PDCD11: variants seen among roughly 807,000 people sequenced by gnomAD.
PDCD11 encodes programmed cell death 11, also known as protein RRP5 homolog.
In PDCD11, 97 loss-of-function variants were observed where a neutral mutation model predicts 198.9. The observed-to-expected ratio is 0.49, with a 90% CI of 0.41 to 0.58. PDCD11 has a LOEUF of 0.58. Among genes scored for constraint, PDCD11 ranks in the 20% least tolerant of loss-of-function variants. The pLI is 0.00. For synonymous variants in PDCD11, 893 were observed against 918.0 expected (o/e 0.97, Z 0.49); for missense variants, 2,102 against 2,312.7 (o/e 0.91, Z 1.87).
Position 103,445,410 on chromosome 10 carries a change from T to C in PDCD11, c.5477T>C (p.Leu1826Ser). ...TTTGAGCGGGTCATTCATCTGAGCT[T>C]GGCCCCCAAGAGAATGAAGTTCTTC... The part of the protein sequence containing the change: ...DIFERVIHLS[L>S]APKRMKFFFK... Residue 1826 changes from leucine (L) to serine (S), a missense_variant, in exon 36 of 36, where the codon TTG (leucine) becomes TCG (serine). Coordinates refer to ENST00000369797, the MANE Select transcript of PDCD11 (RefSeq NM_014976.2). The C allele has an allele frequency of 1.2e-6, 2 of 1,614,230 alleles. No homozygotes were observed. Among genetic ancestry groups the C allele is most frequent in the Non-Finnish European group, 1.7e-6 (2 of 1,180,042 alleles).
chr10:103,416,655 C>T lies in PDCD11; in HGVS notation c.1683C>T (p.Phe561=), dbSNP rs761070311. The T allele has an allele frequency of 4.3e-6, 7 of 1,614,152 alleles. No individual in the cohort carries two copies. Among genetic ancestry groups the T allele is most frequent in the East Asian group, 2.2e-5 (1 of 44,888 alleles). ...RVKDYGCIVK[F]YNNVQGLVPK... ...AGGACTATGGCTGCATTGTGAAGTTCTACAACAATGTGCAGGGACTGGTGC... is the reference window on the plus strand; with the variant it reads ...AGGACTATGGCTGCATTGTGAAGTTTTACAACAATGTGCAGGGACTGGTGC... Residue 561 remains phenylalanine, a synonymous_variant, in exon 13 of 36, where the codon TTC becomes TTT. Transcript: ENST00000369797.
chr10:103,443,837 T>C, intron 33 of PDCD11, 78 bp from the exon 34 acceptor site: 1 of 1,442,256 alleles, frequency 6.9e-7, no homozygotes, highest in Non-Finnish European at 9.6e-7. Context: ...TCTAGCTTCT[T>C]GTGAGTGTTG....
At chr10:103,407,709 A>C (rs2030544070) in intron 7 of PDCD11, among the ~76,000 whole-genome samples, 2 of 151,840 alleles carry the variant, frequency 1.3e-5, no homozygotes, top group Admixed American at 6.6e-5. Context: ...CTCACCCAGC[A>C]TACTAGCATG....
At position 103,409,583 on chromosome 10, in the gene PDCD11, G is replaced by A. The variant is rs1198716776; in HGVS notation, c.871-116G>A. The A allele has an allele frequency of 8.7e-6, 6 of 686,858 alleles. No homozygotes were observed. In the East Asian group the frequency reaches 1.5e-4, roughly 18 times the overall value. The allele number at this position is 686,858 out of a possible 1,614,324, so 42.5% of individuals were successfully genotyped here. ...AAAGATTGTTAAGAGTTACCTGGGAGAGGAGAGATACACAGTTAGGGATAC... is the reference window on the plus strand; with the variant it reads ...AAAGATTGTTAAGAGTTACCTGGGAAAGGAGAGATACACAGTTAGGGATAC... On this transcript the variant is annotated intron_variant, in intron 7 of 35. Transcript: ENST00000369797.
Position 103,425,328 on chromosome 10 carries a change from G to A in PDCD11, c.3108G>A (p.Gly1036=), listed in dbSNP as rs1326083258. Residue 1036 remains glycine (G), a synonymous_variant, in exon 20 of 36, where the codon GGG becomes GGA. Transcript: ENST00000369797. ...GTIKKHTLSI[G]DMVTGTVKSI... ...TAAAGAAGCACACCCTCTCCATCGGGGACATGGTCACAGGGACTGTCAAGT... is the reference window on the plus strand; with the variant it reads ...TAAAGAAGCACACCCTCTCCATCGGAGACATGGTCACAGGGACTGTCAAGT... 6.2e-7 allele frequency: 1 copy of A among 1,614,098 alleles called. No homozygotes were observed. Among genetic ancestry groups the A allele is most frequent in the Non-Finnish European group, 8.5e-7 (1 of 1,180,030 alleles).
chr10:103,419,144 T>C (rs1592125913), intron 15 of PDCD11, among the ~76,000 whole-genome samples: 1 of 152,008 alleles, frequency 6.6e-6, no homozygotes, highest in South Asian at 2.1e-4. Context: ...AGTTCATCAG[T>C]GTAAAGAGGG....
In PDCD11 at chr10:103,406,784, ACAGAAGGTAAG is replaced by A. The variant is rs2030481745; in HGVS notation, c.866_870+6del. The A allele has an allele frequency of 6.2e-7, 1 of 1,612,180 alleles. No individual in the cohort carries two copies. Among genetic ancestry groups the A allele is most frequent in the Non-Finnish European group, 8.5e-7 (1 of 1,179,044 alleles). Reference sequence around the variant, plus strand: ...CAGGACTGGTGGTCAAAGCTCAGGTACAGAAGGTAAGCTGTTATGCTACTACTACTTTTTAA... The same window carrying A: ...CAGGACTGGTGGTCAAAGCTCAGGTACTGTTATGCTACTACTACTTTTTAA... On this transcript the variant is annotated splice_donor_variant and splice_donor_5th_base_variant and coding_sequence_variant and intron_variant, in exon 7 of 36. Transcript: ENST00000369797. LOFTEE classifies it high-confidence loss of function.
At chr10:103,408,265 CG>C (rs2030581558) in intron 7 of PDCD11, among the ~76,000 whole-genome samples, 1 of 151,954 alleles carries the variant, frequency 6.6e-6, no homozygotes, top group Admixed American at 6.6e-5. Context: ...CCTGCATAGC[CG>C]GTATCCTAGG....
chr10:103,425,961 T>C (rs1391549148), intron 20 of PDCD11, among the ~76,000 whole-genome samples: 1 of 152,204 alleles, frequency 6.6e-6, no homozygotes. Flanking sequence ...TTACAGTGCA[T>C]TATTCTTTTT....
intron 8 of PDCD11, 129 bp from the exon 9 acceptor site, chr10:103,412,987 A>G (rs11591265): frequency 0.02 from 13,507 of 688,446 alleles, 185 homozygotes; most frequent in Non-Finnish European, 0.026. Flanking sequence ...CAGTTTGAGT[A>G]CTTACATACT....
In PDCD11 at chr10:103,426,928, C is replaced by CAAA. The variant is rs1017044267; in HGVS notation, c.3306-392_3306-390dup. 4.6e-3 allele frequency among the ~76,000 whole-genome samples: 598 copies of CAAA among 129,710 alleles called. 4 individuals are homozygous for CAAA. The highest frequency in any genetic ancestry group is 7.7e-3 in the Middle Eastern group (2 of 260). 85.1% of individuals were successfully genotyped at this position (129,710 alleles called of 152,430 possible). The stretch of plus-strand genomic sequence containing the variant: ...GCAACATGGTGAGACCCCATCTCTA[C>CAAA]AAAAAAAAAAATAAATAAATAAAAA... On this transcript the variant is annotated intron_variant, in intron 20 of 35. Coordinates refer to ENST00000369797, the MANE Select transcript of PDCD11 (RefSeq NM_014976.2).
intron 34 of PDCD11, 125 bp downstream of exon 34, chr10:103,444,193 G>T (rs1230468837): frequency 5.2e-6 from 4 of 775,378 alleles, no homozygotes; most frequent in Non-Finnish European, 4.1e-6. Context: ...GCTGCCTGTT[G>T]ATTCTCTGCC....
Position 103,419,520 on chromosome 10 carries a change from TTGA to T in PDCD11, c.2107-14_2107-12del. The T allele has an allele frequency of 1.2e-6, 2 of 1,609,296 alleles. No homozygotes were observed. Among genetic ancestry groups the T allele is most frequent in the South Asian group, 1.1e-5 (1 of 90,260 alleles). On this transcript the variant is annotated splice_polypyrimidine_tract_variant and intron_variant, in intron 15 of 35. Transcript: ENST00000369797. ...TCATCTGCCCTTTCTGGAACATTCC[TTGA>T]TGAAGTACCACTAGCTTCTTTGCAG...
Position 103,432,143 on chromosome 10 carries a change from G to A in PDCD11, c.3383G>A (p.Gly1128Asp). ...LSVRPSELED[G>D]HTALNTHSVS... ...TCTGCAAACAGTGAGCTGGAGGATG[G>A]CCACACTGCTCTTAACACTCACTCT... The change falls in exon 22 of 36, where the codon GGC (glycine) becomes GAC (aspartate). Residue 1128 changes from glycine (G) to aspartate (D), a missense_variant. Transcript: ENST00000369797. The A allele has an allele frequency of 6.2e-7, 1 of 1,613,158 alleles. No individual in the cohort carries two copies. Among genetic ancestry groups the A allele is most frequent in the Non-Finnish European group, 8.5e-7 (1 of 1,179,136 alleles).
rs778666294 is a variant in PDCD11 at position 103,416,537 on chromosome 10, A to G, written c.1565A>G (p.Lys522Arg). The G allele has an allele frequency of 6.2e-7, 1 of 1,614,188 alleles. No individual in the cohort carries two copies. The highest frequency in any genetic ancestry group is 8.5e-7 in the Non-Finnish European group (1 of 1,180,044). Residue 522 changes from lysine (K) to arginine (R), a missense_variant, in exon 13 of 36, where the codon AAA (lysine) becomes AGA (arginine). Lys to Arg is a conservative substitution (Grantham distance 26). Transcript: ENST00000369797. ...PEAKKLMMTL[K>R]KTLIESKLPV... The stretch of plus-strand genomic sequence containing the variant: ...GCCAAGAAGCTGATGATGACCCTGA[A>G]AAAAACCCTGATTGAGTCCAAACTA...
At position 103,443,937 on chromosome 10, in the gene PDCD11, G is replaced by A. The variant is rs781762353; in HGVS notation, c.5147G>A (p.Arg1716Gln). ...CAGGAAGCTGGTGAACTCTACAACC[G>A]GATGCTGAAGCGTTTCCGGCAGGAG... is the stretch of plus-strand genomic sequence containing the variant. ...KFQEAGELYN[R>Q]MLKRFRQEKA... The change falls in exon 34 of 36, where the codon CGG (arginine) becomes CAG (glutamine). Residue 1716 changes from arginine (R) to glutamine (Q), a missense_variant. Physicochemically the swap from Arg to Gln is conservative, Grantham distance 43 (BLOSUM62 1). Transcript: ENST00000369797. The A allele has an allele frequency of 1.1e-5, 18 of 1,614,152 alleles. No homozygotes were observed. The highest frequency in any genetic ancestry group is 3.3e-5 in the South Asian group (3 of 91,070).
rs146747336 is a variant in PDCD11 at position 103,442,334 on chromosome 10, G to T, written c.4829G>T (p.Arg1610Leu). Residue 1610 changes from arginine to leucine, a missense_variant, in exon 32 of 36, where the codon CGA becomes CTA. By Grantham distance (102) the Arg-to-Leu change is moderately radical (BLOSUM62 -2). Transcript: ENST00000369797. ...CCAGAGTCCGCGGATGATTTTGACC[G>T]ACTGGTGCTGAGCTCCCCCAACAGC... ...RQPESADDFD[R>L]LVLSSPNSSI... The T allele has an allele frequency of 1.3e-3, 2,077 of 1,614,218 alleles. 10 individuals are homozygous for T. Among genetic ancestry groups the T allele is most frequent in the Middle Eastern group, 0.011 (69 of 6,062 alleles).
At chr10:103,425,612 T>A (rs749878653) in intron 20 of PDCD11, 87 bp downstream of exon 20, 86 of 1,127,770 alleles carry the variant, frequency 7.6e-5, no homozygotes, top group Non-Finnish European at 1.1e-4. Context: ...TCCAAAAAGT[T>A]GCATGTAAGT....
intron 2 of PDCD11, among the ~76,000 whole-genome samples, chr10:103,399,080 A>G (rs2133665359): frequency 6.7e-6 from 1 of 149,120 alleles, no homozygotes; most frequent in Admixed American, 6.7e-5. Flanking sequence ...GCCATGTGCC[A>G]TGTTGATTAA....
Sources: allele counts gnomAD v4.1 joint callset (sites outside exome capture counted in the v4.1 genomes callset), GRCh38; gene constraint gnomAD v4.1.1; transcripts MANE v1.5; gene names NCBI Gene and HGNC (gene_info 2026-07-23, HGNC 2026-07-21).